MAF: variants seen among roughly 807,000 people sequenced by gnomAD.
The protein encoded by MAF is transcription factor Maf.
A neutral mutation model predicts 22.0 loss-of-function variants in MAF; 10 were observed. The observed-to-expected ratio is 0.45, with a 90% CI of 0.28 to 0.77. The LOEUF (loss-of-function observed/expected upper bound fraction) is 0.77, where lower values mean the gene tolerates loss of function less well. Among genes scored for constraint, MAF ranks in the 30% least tolerant of loss-of-function variants. The pLI, the probability that MAF is intolerant of heterozygous loss-of-function variation, is 0.12. For missense variants in MAF, 544 were observed against 548.4 expected (o/e 0.99, Z 0.08); for synonymous variants, 337 against 255.8 (o/e 1.32, Z -3.03).
At chr16:79,366,354 G>A in the MAF span, among the ~76,000 whole-genome samples, 94,211 of 152,222 alleles carry the variant, frequency 0.62, 30,732 homozygotes, top group African/African-American at 0.81. Flanking sequence ...GCCTAAAAAT[G>A]TAGGTGAGAT....
chr16:79,216,759 T>A, the MAF span, among the ~76,000 whole-genome samples: 50 of 152,212 alleles, frequency 3.3e-4, no homozygotes, highest in African/African-American at 1.2e-3. Flanking sequence ...TACATATATG[T>A]GTGTATTTGT....
the MAF span, among the ~76,000 whole-genome samples, chr16:79,533,680 A>T: frequency 6.6e-6 from 1 of 152,150 alleles, no homozygotes; most frequent in Admixed American, 6.5e-5. Context: ...GGGGAAAATA[A>T]CAGAGATCCA....
chr16:79,458,109 A>AGTGTGTGTGTGTGTGTGTGTGTGTGTGT, the MAF span, among the ~76,000 whole-genome samples: 5 of 136,328 alleles, frequency 3.7e-5, no homozygotes, highest in East Asian at 2.2e-4. Flanking sequence ...GGTATGTATA[A>AGTGTGTGTGTGTGTGTGTGTGTGTGTGT]GTGTGTGTGT....
At chr16:79,279,932 G>A in the MAF span, among the ~76,000 whole-genome samples, 3 of 152,026 alleles carry the variant, frequency 2.0e-5, no homozygotes, top group East Asian at 1.9e-4. Flanking sequence ...TTATAAATAC[G>A]GGGCTTGCCC....
At chr16:79,390,171 G>A in the MAF span, among the ~76,000 whole-genome samples, 3 of 151,930 alleles carry the variant, frequency 2.0e-5, no homozygotes, top group East Asian at 1.9e-4. Flanking sequence ...TGAAGCACTC[G>A]AATGGACTGG....
chr16:79,289,913 G>A, the MAF span, among the ~76,000 whole-genome samples: 27,859 of 148,496 alleles, frequency 0.19, 3,131 homozygotes, highest in East Asian at 0.54. Context: ...GTGCAGTGGC[G>A]TGGTGCAGTC....
chr16:79,241,176 T>C, the MAF span, among the ~76,000 whole-genome samples: 29 of 152,072 alleles, frequency 1.9e-4, 1 homozygote, highest in South Asian at 5.4e-3. Flanking sequence ...GGAACAAAAC[T>C]GGATGGAGAA....
At chr16:79,438,815 C>T in the MAF span, among the ~76,000 whole-genome samples, 1 of 152,142 alleles carries the variant, frequency 6.6e-6, no homozygotes, top group Non-Finnish European at 1.5e-5. Context: ...ATAATGATCA[C>T]AGTAACTGGT....
chr16:79,527,477 C>A, the MAF span, among the ~76,000 whole-genome samples: 1 of 152,176 alleles, frequency 6.6e-6, no homozygotes, highest in African/African-American at 2.4e-5. Flanking sequence ...AAGAAAGAGA[C>A]TAAATTTCTA....
chr16:79,240,740 T>C, the MAF span, among the ~76,000 whole-genome samples: 1 of 151,812 alleles, frequency 6.6e-6, no homozygotes, highest in Non-Finnish European at 1.5e-5. Flanking sequence ...CCCCCTTGTC[T>C]CCTGTTTGGG....
chr16:79,501,502 A>T, the MAF span, among the ~76,000 whole-genome samples: 1 of 152,212 alleles, frequency 6.6e-6, no homozygotes, highest in Non-Finnish European at 1.5e-5. Flanking sequence ...ATCTAGCAGA[A>T]GTCTTTATTT....
At chr16:79,525,992 A>G in the MAF span, among the ~76,000 whole-genome samples, 14,372 of 152,270 alleles carry the variant, frequency 0.094, 763 homozygotes, top group Middle Eastern at 0.17. Flanking sequence ...AACCTTCTGT[A>G]TGACAGACAG....
the MAF span, among the ~76,000 whole-genome samples, chr16:79,541,767 T>G: frequency 1.2e-4 from 18 of 150,322 alleles, no homozygotes; most frequent in Non-Finnish European, 2.5e-4. Context: ...GAGATTCTCC[T>G]GCCTCAGCGT....
chr16:79,442,939 A>G, the MAF span, among the ~76,000 whole-genome samples: 2 of 152,198 alleles, frequency 1.3e-5, no homozygotes, highest in African/African-American at 4.8e-5. Flanking sequence ...TTCAGGAGGC[A>G]TTGGTACACC....
the MAF span, among the ~76,000 whole-genome samples, chr16:79,477,233 C>G: frequency 7.9e-5 from 12 of 152,306 alleles, no homozygotes; most frequent in Admixed American, 5.9e-4. Flanking sequence ...TTTTAATGAC[C>G]ACCAGAGCCT....
At chr16:79,460,859 C>T in the MAF span, among the ~76,000 whole-genome samples, 1 of 152,184 alleles carries the variant, frequency 6.6e-6, no homozygotes, top group African/African-American at 2.4e-5. Flanking sequence ...TCCTTCACAA[C>T]ATTTTCCAAC....
downstream of MAF, among the ~76,000 whole-genome samples, chr16:79,581,156 A>G (rs1007513702): frequency 4.6e-5 from 7 of 152,318 alleles, no homozygotes; most frequent in African/African-American, 1.7e-4. Flanking sequence ...TCACTCCATT[A>G]AAAAGAGGAG....
At chr16:79,301,870 T>C in the MAF span, among the ~76,000 whole-genome samples, 1 of 152,230 alleles carries the variant, frequency 6.6e-6, no homozygotes, top group African/African-American at 2.4e-5. Context: ...ATTATCTGTA[T>C]GTTACTAGTG....
At chr16:79,331,494 T>C in the MAF span, among the ~76,000 whole-genome samples, 1 of 152,206 alleles carries the variant, frequency 6.6e-6, no homozygotes, top group African/African-American at 2.4e-5. Flanking sequence ...TGGACTTGGT[T>C]TCCTCATCTG....
Sources: gnomAD v4.1 joint callset for allele counts (sites outside exome capture counted in the v4.1 genomes callset) on GRCh38, gnomAD v4.1.1 for gene constraint, MANE v1.5 for transcripts, NCBI Gene and HGNC (gene_info 2026-07-23, HGNC 2026-07-21) for gene names.